The following ETV5 variants were observed in gnomAD, a reference collection of about 807,000 sequenced individuals.
ETV5 encodes the protein ETS translocation variant 5.
ETV5 carries 10 observed loss-of-function variants against 70.0 expected under a neutral mutation model. The observed-to-expected ratio is 0.14, with a 90% CI of 0.09 to 0.24. ETV5 has a LOEUF of 0.24. ETV5 is among the 10% of genes least tolerant of loss of function. The pLI is 1.00. For missense variants in ETV5, 453 were observed against 651.2 expected, an observed-to-expected ratio of 0.70 and a Z score of 3.31; for synonymous variants, 216 against 242.2, an observed-to-expected ratio of 0.89 and a Z score of 1.01.
chr3:186,062,598 C>A (rs776314508), intron 9 of ETV5, among the ~76,000 whole-genome samples: 1 of 151,986 alleles, frequency 6.6e-6, no homozygotes, highest in Admixed American at 6.6e-5. Flanking sequence ...TCCAGCCTGG[C>A]GACAGAGCAA....
At chr3:186,094,528 C>T (rs2150153253) in intron 5 of ETV5, among the ~76,000 whole-genome samples, 1 of 152,248 alleles carries the variant, frequency 6.6e-6, no homozygotes, top group African/African-American at 2.4e-5. Context: ...CTTGAAACAG[C>T]TTGGATTTGT....
At chr3:186,092,455 A>G (rs1282911245) in intron 5 of ETV5, among the ~76,000 whole-genome samples, 2 of 152,092 alleles carry the variant, frequency 1.3e-5, no homozygotes, top group African/African-American at 2.4e-5. Flanking sequence ...TTTTTTAGAG[A>G]TAGGGTCTTG....
At chr3:186,084,442 T>G (rs888598731) in intron 5 of ETV5, among the ~76,000 whole-genome samples, 12 of 151,082 alleles carry the variant, frequency 7.9e-5, no homozygotes, top group Non-Finnish European at 1.6e-4. Context: ...TTCTTTGTCA[T>G]GAAGATCTTT....
At chr3:186,070,044 T>C (rs1713563910) in intron 7 of ETV5, among the ~76,000 whole-genome samples, 1 of 152,112 alleles carries the variant, frequency 6.6e-6, no homozygotes, top group African/African-American at 2.4e-5. Context: ...ACTCCTGACC[T>C]CAAGTGATCT....
intron 5 of ETV5, among the ~76,000 whole-genome samples, chr3:186,103,620 AACACACAC>A (rs10534124): frequency 0.011 from 1,525 of 142,946 alleles, 15 homozygotes; most frequent in East Asian, 0.02. Context: ...TCATCTTGCA[AACACACAC>A]ACACACACAC....
chr3:186,061,575 A>C (rs1363147817), intron 9 of ETV5, among the ~76,000 whole-genome samples: 1 of 152,182 alleles, frequency 6.6e-6, no homozygotes, highest in Non-Finnish European at 1.5e-5. Context: ...TCAGGGAGAA[A>C]TACACTTGAG....
chr3:186,089,038 T>G (rs750492289), intron 5 of ETV5, among the ~76,000 whole-genome samples: 1 of 152,218 alleles, frequency 6.6e-6, no homozygotes, highest in Non-Finnish European at 1.5e-5. Flanking sequence ...TACCTCAATA[T>G]TCTTTGTAAC....
intron 5 of ETV5, among the ~76,000 whole-genome samples, chr3:186,096,962 G>A (rs1714317462): frequency 1.3e-5 from 2 of 152,076 alleles, no homozygotes; most frequent in Non-Finnish European, 2.9e-5. Flanking sequence ...GAGGCCATGA[G>A]TTTCAGACCA....
At chr3:186,097,497 A>T (rs1714333235) in intron 5 of ETV5, among the ~76,000 whole-genome samples, 1 of 152,180 alleles carries the variant, frequency 6.6e-6, no homozygotes, top group Admixed American at 6.5e-5. Context: ...GGAAGGAGAT[A>T]AAAGGGTTTA....
At position 186,105,215 on chromosome 3, in the gene ETV5, G is replaced by T; in HGVS notation, c.232+90C>A. 2.8e-6 allele frequency: 3 copies of T among 1,069,322 alleles called. No individual in the cohort carries two copies. Among genetic ancestry groups the T allele is most frequent in the South Asian group, 1.4e-5 (1 of 69,318 alleles). 66.2% of individuals were successfully genotyped at this position (1,069,322 alleles called of 1,614,324 possible). The stretch of plus-strand genomic sequence containing the variant: ...AAATGCATACTACTGTCTAAATCTG[G>T]CCATAGCTGAAAAAAGCATATTCTA... On this transcript the variant is annotated intron_variant, in intron 5 of 12. Transcript: ENST00000306376. This position sits in a 1 kb window ranked among gnomAD's most constrained non-coding sequence, Gnocchi z 4.5.
At position 186,057,521 on chromosome 3, in the gene ETV5, T is replaced by C. The variant is rs375235133; in HGVS notation, c.971-30A>G. On this transcript the variant is annotated intron_variant, in intron 9 of 12. Transcript: ENST00000306376. The surrounding 1 kb of genome is among the most constrained non-coding windows in gnomAD (Gnocchi z 4.9). ...AAGAGAATTTAAAAGAAAGACTACG[T>C]TGCTTAACAAATTCTGTGTTGTACT... 29 of 1,563,598 alleles carry C rather than the reference T, an allele frequency of 1.9e-5. No homozygotes were observed. The highest frequency in any genetic ancestry group is 2.5e-5 in the Non-Finnish European group (28 of 1,134,326).
intron 7 of ETV5, among the ~76,000 whole-genome samples, chr3:186,074,325 G>A (rs575118320): frequency 6.6e-6 from 1 of 152,160 alleles, no homozygotes; most frequent in Non-Finnish European, 1.5e-5. Flanking sequence ...CACTGAGCCA[G>A]TAATTAAAAA....
Position 186,105,218 on chromosome 3 carries a change from ATAGC to A in ETV5, c.232+83_232+86del. The A allele has an allele frequency of 8.9e-7, 1 of 1,128,550 alleles. No homozygotes were observed. The highest frequency in any genetic ancestry group is 1.3e-6 in the Non-Finnish European group (1 of 769,128). 69.9% of individuals were successfully genotyped at this position (1,128,550 alleles called of 1,614,324 possible). A position where few individuals can be genotyped will look rare whatever the true frequency, so the allele number is the denominator to read the frequency against. ...TGCATACTACTGTCTAAATCTGGCC[ATAGC>A]TGAAAAAAGCATATTCTAGACATGG... On this transcript the variant is annotated intron_variant, in intron 5 of 12. Transcript: ENST00000306376. This position sits in a 1 kb window ranked among gnomAD's most constrained non-coding sequence, Gnocchi z 4.5.
At chr3:186,064,539 C>T (rs1268551774) in intron 8 of ETV5, 63 bp from the exon 9 acceptor site, 17 of 1,487,174 alleles carry the variant, frequency 1.1e-5, no homozygotes, top group African/African-American at 5.5e-5. Context: ...AACAGCACAT[C>T]GGTCAACTGC....
At position 186,057,303 on chromosome 3, in the gene ETV5, G is replaced by C; in HGVS notation, c.1040-59C>G. On this transcript the variant is annotated intron_variant, in intron 10 of 12. Transcript: ENST00000306376. The surrounding 1 kb of genome is among the most constrained non-coding windows in gnomAD (Gnocchi z 4.9). ...TAGTCCTAAGTTTCTCAGGTGGTTGGGACAAAAAGGAGTTGTTCATGCTGA... is the reference window on the plus strand; with the variant it reads ...TAGTCCTAAGTTTCTCAGGTGGTTGCGACAAAAAGGAGTTGTTCATGCTGA... The C allele has an allele frequency of 2.5e-6, 4 of 1,607,358 alleles. No individual in the cohort carries two copies. The highest frequency in any genetic ancestry group is 3.4e-6 in the Non-Finnish European group (4 of 1,175,794).
At chr3:186,056,754 T>C (rs368003832) in intron 11 of ETV5, among the ~76,000 whole-genome samples, 1 of 152,236 alleles carries the variant, frequency 6.6e-6, no homozygotes, top group East Asian at 1.9e-4. Context: ...GTCTGTATCA[T>C]TGAAACAGCA....
At chr3:186,093,784 G>A (rs1414839525) in intron 5 of ETV5, among the ~76,000 whole-genome samples, 1 of 152,206 alleles carries the variant, frequency 6.6e-6, no homozygotes, top group Admixed American at 6.5e-5. Context: ...ATGATACCCA[G>A]GTCCTCAAGG....
chr3:186,077,508 G>A (rs1713825133), intron 7 of ETV5, among the ~76,000 whole-genome samples: 1 of 152,124 alleles, frequency 6.6e-6, no homozygotes, highest in African/African-American at 2.4e-5. Context: ...TAGATATCAC[G>A]TGGATGACCA....
rs75977189 is a variant in ETV5 at position 186,098,013 on chromosome 3, G to A, written c.232+7292C>T. 2.7e-3 allele frequency among the ~76,000 whole-genome samples: 404 copies of A among 152,334 alleles called. 1 individual carries two copies. The highest frequency in any genetic ancestry group is 9.4e-3 in the African/African-American group (392 of 41,572). Reference sequence around the variant, plus strand: ...TGGGGCAGACCTAATAGTGCTCAGCGCCCAGCTGTCGCCGCAGGGACGCTT... The same window carrying A: ...TGGGGCAGACCTAATAGTGCTCAGCACCCAGCTGTCGCCGCAGGGACGCTT... On this transcript the variant is annotated intron_variant, in intron 5 of 12. Coordinates refer to ENST00000306376, the MANE Select transcript of ETV5 (RefSeq NM_004454.3).
Sources: allele counts gnomAD v4.1 joint callset (sites outside exome capture counted in the v4.1 genomes callset), GRCh38; gene constraint gnomAD v4.1.1; non-coding constraint Gnocchi (gnomAD v3.1); transcripts MANE v1.5; gene names NCBI Gene and HGNC (gene_info 2026-07-23, HGNC 2026-07-21).